LRP12: variants seen among roughly 807,000 people sequenced by gnomAD.
The protein encoded by LRP12 is low-density lipoprotein receptor-related protein 12.
A neutral mutation model predicts 66.0 loss-of-function variants in LRP12; 14 were observed. That is an observed-to-expected ratio of 0.21 (90% CI 0.14 to 0.33). LRP12 has a LOEUF of 0.33. Ranked by LOEUF, LRP12 falls within the 10% of genes least tolerant of loss-of-function variation. The pLI is 1.00. For missense variants in LRP12, 889 were observed against 1,053.4 expected (o/e 0.84, Z 2.16); for synonymous variants, 357 against 359.1 (o/e 0.99, Z 0.07).
chr8:104,576,706 C>G (rs1191075838), intron 1 of LRP12, among the ~76,000 whole-genome samples: 1 of 152,062 alleles, frequency 6.6e-6, no homozygotes, highest in Non-Finnish European at 1.5e-5. Flanking sequence ...ATAAACAAGT[C>G]TGCAAAATAA....
intron 1 of LRP12, among the ~76,000 whole-genome samples, chr8:104,542,508 G>C (rs1811493865): frequency 6.6e-6 from 1 of 152,200 alleles, no homozygotes; most frequent in South Asian, 2.1e-4. Context: ...TTTCAGGACA[G>C]TCTAATTTAC....
intron 1 of LRP12, among the ~76,000 whole-genome samples, chr8:104,578,742 C>T (rs1564149610): frequency 6.6e-6 from 1 of 152,092 alleles, no homozygotes; most frequent in Non-Finnish European, 1.5e-5. Context: ...ATCAAGTAGG[C>T]TTTATCCCTG....
chr8:104,538,882 A>G (rs1811425667), intron 1 of LRP12, among the ~76,000 whole-genome samples: 1 of 152,162 alleles, frequency 6.6e-6, no homozygotes, highest in South Asian at 2.1e-4. Flanking sequence ...TAAATTTAAA[A>G]TAGCTCATGT....
intron 1 of LRP12, among the ~76,000 whole-genome samples, chr8:104,552,776 G>C (rs1054242085): frequency 6.6e-6 from 1 of 152,164 alleles, no homozygotes; most frequent in African/African-American, 2.4e-5. Flanking sequence ...GACAGACAGA[G>C]CAGTGTGTGG....
Position 104,501,533 on chromosome 8 carries a change from G to A in LRP12, c.273-2014C>T, listed in dbSNP as rs573210661. On this transcript the variant is annotated intron_variant, in intron 3 of 6. Transcript: ENST00000276654. ...TGGCCAACCAAAATGGTGAAACCCC[G>A]TCTCTACTGAAAATACAAAAATTAG... Among the ~76,000 whole-genome samples, 8 of 151,994 alleles carry A rather than the reference G, an allele frequency of 5.3e-5. No individual in the cohort carries two copies. In the East Asian group the frequency reaches 5.8e-4, roughly 11 times the overall value.
intron 2 of LRP12, among the ~76,000 whole-genome samples, chr8:104,518,789 A>C (rs928200042): frequency 2.6e-5 from 4 of 152,086 alleles, no homozygotes; most frequent in African/African-American, 9.7e-5. Context: ...CATATAGTTA[A>C]TTATGGGTAA....
intron 2 of LRP12, among the ~76,000 whole-genome samples, chr8:104,509,507 C>T (rs536577007): frequency 3.9e-5 from 6 of 152,266 alleles, no homozygotes; most frequent in African/African-American, 1.4e-4. Context: ...TGCTACCCAC[C>T]CATTAGTTAC....
At chr8:104,536,021 G>T (rs1313806796) in intron 1 of LRP12, among the ~76,000 whole-genome samples, 1 of 151,998 alleles carries the variant, frequency 6.6e-6, no homozygotes, top group East Asian at 1.9e-4. Context: ...TGCTCAGTGA[G>T]AATAGTTATC....
At chr8:104,518,211 A>G (rs1811098722) in intron 2 of LRP12, among the ~76,000 whole-genome samples, 1 of 152,128 alleles carries the variant, frequency 6.6e-6, no homozygotes, top group Admixed American at 6.6e-5. Flanking sequence ...TTGGATCCAC[A>G]GCTGATGATA....
chr8:104,527,032 G>T (rs1327463634), intron 2 of LRP12, among the ~76,000 whole-genome samples: 1 of 150,712 alleles, frequency 6.6e-6, no homozygotes, highest in Non-Finnish European at 1.5e-5. Context: ...GATATGAACA[G>T]ACACTTCTCA....
intron 2 of LRP12, among the ~76,000 whole-genome samples, chr8:104,527,936 C>A (rs1363384388): frequency 6.6e-6 from 1 of 152,158 alleles, no homozygotes; most frequent in Admixed American, 6.6e-5. Context: ...TCACCACTTA[C>A]TTCCACCCTC....
intron 1 of LRP12, among the ~76,000 whole-genome samples, chr8:104,535,477 G>A (rs1379827285): frequency 6.6e-6 from 1 of 151,870 alleles, no homozygotes; most frequent in African/African-American, 2.4e-5. Flanking sequence ...GTGCATCCCT[G>A]TTGCTTTATT....
chr8:104,526,653 C>T (rs1214648867), intron 2 of LRP12, among the ~76,000 whole-genome samples: 3 of 141,312 alleles, frequency 2.1e-5, no homozygotes, highest in Non-Finnish European at 3.1e-5. Flanking sequence ...AACTGGATCC[C>T]TTCCTTACAC....
intron 3 of LRP12, among the ~76,000 whole-genome samples, chr8:104,501,707 A>C (rs1810830556): frequency 6.6e-6 from 1 of 151,804 alleles, no homozygotes; most frequent in Non-Finnish European, 1.5e-5. Flanking sequence ...CCACCTCAAA[A>C]AAAAAAAAAA....
intron 5 of LRP12, among the ~76,000 whole-genome samples, chr8:104,496,575 T>C (rs949385515): frequency 1.3e-5 from 2 of 152,212 alleles, no homozygotes; most frequent in African/African-American, 4.8e-5. Context: ...TGTAAACTGC[T>C]TGTGATATTA....
rs762356514 is a variant in LRP12, at chr8:104,497,840, T to G, written c.712A>C (p.Lys238Gln). The change falls in exon 5 of 7, where the codon AAA becomes CAA. Residue 238 changes from lysine (K) to glutamine (Q), a missense_variant. Around this residue, in one of 3 missense-constraint regions of LRP12, gnomAD observed 800 missense variants for 964.5 expected, o/e 0.83. Coordinates refer to ENST00000276654, the MANE Select transcript of LRP12 (RefSeq NM_013437.5). The surrounding 1 kb of genome is among the most constrained non-coding windows in gnomAD (Gnocchi z 4.3). ...KVYTCLPESLKCDGNIDCLDL... is the reference protein window; with the variant it reads ...KVYTCLPESLQCDGNIDCLDL... ...AGGCAGTCAATGTTCCCATCACATT[T>G]TAAAGATTCGGGGAGGCAAGTGTAA... 34 of 1,614,096 alleles carry G rather than the reference T, an allele frequency of 2.1e-5. 1 individual carries two copies. In the Middle Eastern group the frequency reaches 6.6e-4, roughly 31 times the overall value.
At chr8:104,532,421 A>C (rs1811338322) in intron 1 of LRP12, among the ~76,000 whole-genome samples, 1 of 152,102 alleles carries the variant, frequency 6.6e-6, no homozygotes, top group Admixed American at 6.6e-5. Context: ...TCTTCAAAAA[A>C]ATCTTTCAAA....
At chr8:104,543,224 T>C (rs1333794585) in intron 1 of LRP12, among the ~76,000 whole-genome samples, 1 of 152,094 alleles carries the variant, frequency 6.6e-6, no homozygotes, top group Non-Finnish European at 1.5e-5. Context: ...AATTGGAGGT[T>C]TGTGGCATCC....
At chr8:104,544,886 T>C (rs1027027788) in intron 1 of LRP12, among the ~76,000 whole-genome samples, 2 of 152,178 alleles carry the variant, frequency 1.3e-5, no homozygotes, top group Non-Finnish European at 2.9e-5. Context: ...TAATTTCAAC[T>C]TTCAAGCCTA....
Sources: gnomAD v4.1 joint callset for allele counts (sites outside exome capture counted in the v4.1 genomes callset) on GRCh38, gnomAD v4.1.1 for gene constraint, gnomAD v4.1.1 regional missense constraint, Gnocchi (gnomAD v3.1) non-coding constraint, MANE v1.5 for transcripts, NCBI Gene and HGNC (gene_info 2026-07-23, HGNC 2026-07-21) for gene names.